Variants in CAMK1D observed in about 807,000 individuals in gnomAD.
The protein encoded by CAMK1D is calcium/calmodulin dependent protein kinase ID.
Under a neutral mutation model 47.7 loss-of-function variants are expected in CAMK1D, and 9 were observed. That is an observed-to-expected ratio of 0.19 (90% CI 0.11 to 0.33). The LOEUF (loss-of-function observed/expected upper bound fraction) is 0.33, where lower values mean the gene tolerates loss of function less well. Among genes scored for constraint, CAMK1D ranks in the 10% least tolerant of loss-of-function variants. The pLI, the probability that CAMK1D is intolerant of heterozygous loss-of-function variation, is 1.00. For synonymous variants in CAMK1D, 184 were observed against 184.9 expected, an observed-to-expected ratio of 0.99 and a Z score of 0.04; for missense variants, 291 against 488.7, an observed-to-expected ratio of 0.60 and a Z score of 3.81.
chr10:12,351,753 G>C (rs950092482), intron 1 of CAMK1D, among the ~76,000 whole-genome samples: 14 of 152,284 alleles, frequency 9.2e-5, no homozygotes, highest in African/African-American at 3.1e-4. Flanking sequence ...TTGCCCTCTG[G>C]TGCCAGAGCG....
chr10:12,604,103 A>ACC (rs63439260), intron 2 of CAMK1D, among the ~76,000 whole-genome samples: 5 of 151,642 alleles, frequency 3.3e-5, no homozygotes, highest in South Asian at 2.1e-4. Context: ...CGCTCCTGTC[A>ACC]CCCCCCATCA....
rs1230805059 is a variant in CAMK1D at position 12,801,452 on chromosome 10, CATCT to C, written c.641+10227_641+10230del. On this transcript the variant is annotated intron_variant, in intron 6 of 10. Transcript: ENST00000619168. ...CCTTCCATTCATCCATCCATCCATT[CATCT>C]ATCTATCCGTCATCTATCTATCCAT... is the stretch of plus-strand genomic sequence containing the variant. Among the ~76,000 whole-genome samples the C allele has an allele frequency of 3.3e-5, 5 of 150,888 alleles. No individual in the cohort carries two copies. The Admixed American group carries it at 3.3e-4, about 10-fold the overall frequency.
At chr10:12,754,364 A>T (rs1158334160) in intron 3 of CAMK1D, among the ~76,000 whole-genome samples, 2 of 152,150 alleles carry the variant, frequency 1.3e-5, no homozygotes, top group African/African-American at 4.8e-5. Flanking sequence ...CCCACACTGG[A>T]CTACACACCA....
intron 2 of CAMK1D, among the ~76,000 whole-genome samples, chr10:12,621,992 A>C (rs1047732196): frequency 1.6e-4 from 24 of 152,002 alleles, no homozygotes; most frequent in Non-Finnish European, 2.8e-4. Context: ...CTGCTCGGGG[A>C]GCTCCTTCCC....
intron 2 of CAMK1D, among the ~76,000 whole-genome samples, chr10:12,573,095 A>G (rs1156303832): frequency 2.0e-5 from 3 of 152,248 alleles, no homozygotes; most frequent in African/African-American, 7.2e-5. Flanking sequence ...AAGGCAAGAC[A>G]TGGTGCTGTT....
intron 3 of CAMK1D, among the ~76,000 whole-genome samples, chr10:12,670,124 T>A (rs1444749136): frequency 8.1e-6 from 1 of 123,864 alleles, no homozygotes; most frequent in Admixed American, 1.0e-4. Context: ...TGTACCGTTT[T>A]GCTTTTTTTT....
chr10:12,393,166 G>A (rs554047369), intron 1 of CAMK1D, among the ~76,000 whole-genome samples: 1 of 151,938 alleles, frequency 6.6e-6, no homozygotes, highest in Admixed American at 6.6e-5. Context: ...CAAGTAGCTG[G>A]GACTACAGGC....
At chr10:12,827,282 T>C (rs1329873318) in intron 10 of CAMK1D, among the ~76,000 whole-genome samples, 1 of 114,194 alleles carries the variant, frequency 8.8e-6, no homozygotes, top group Admixed American at 8.8e-5. Context: ...CTTTCTTTTC[T>C]TTTTCTTTCT....
chr10:12,615,324 A>G (rs1387398998), intron 2 of CAMK1D, among the ~76,000 whole-genome samples: 1 of 152,234 alleles, frequency 6.6e-6, no homozygotes, highest in Admixed American at 6.5e-5. Context: ...ATTTCCATCT[A>G]AATAAGAAAA....
chr10:12,707,949 A>G (rs750209842), intron 3 of CAMK1D, among the ~76,000 whole-genome samples: 19 of 152,290 alleles, frequency 1.2e-4, no homozygotes, highest in Admixed American at 5.9e-4. Flanking sequence ...TACTCAGTAA[A>G]TGGGATCCCC....
At chr10:12,730,441 C>G (rs1834837693) in intron 3 of CAMK1D, among the ~76,000 whole-genome samples, 1 of 152,072 alleles carries the variant, frequency 6.6e-6, no homozygotes, top group Non-Finnish European at 1.5e-5. Flanking sequence ...GAGTCATATC[C>G]AAGTGAAGAG....
intron 2 of CAMK1D, among the ~76,000 whole-genome samples, chr10:12,574,363 G>A (rs1758735826): frequency 6.6e-6 from 1 of 150,544 alleles, no homozygotes; most frequent in Non-Finnish European, 1.5e-5. Flanking sequence ...GTGCAGTGGT[G>A]CAATGTCAGC....
chr10:12,649,990 C>A (rs769590660), intron 2 of CAMK1D, among the ~76,000 whole-genome samples: 1 of 152,224 alleles, frequency 6.6e-6, no homozygotes, highest in Non-Finnish European at 1.5e-5. Context: ...AGCATCTCTG[C>A]AAGAGAAAAC....
chr10:12,626,001 G>C (rs1024322714), intron 2 of CAMK1D, among the ~76,000 whole-genome samples: 2 of 152,256 alleles, frequency 1.3e-5, no homozygotes, highest in African/African-American at 4.8e-5. Flanking sequence ...ATCATAACAA[G>C]TCAGATGACA....
intron 2 of CAMK1D, among the ~76,000 whole-genome samples, chr10:12,558,554 CAAAA>C: frequency 6.6e-6 from 1 of 150,468 alleles, no homozygotes; most frequent in South Asian, 2.1e-4. Flanking sequence ...AACTCCATCT[CAAAA>C]AAAAAAAATA....
rs183488190 is a variant in CAMK1D at position 12,489,084 on chromosome 10, C to T, written c.93-64141C>T. ...CCGAGTAGCTGGGACTACTGGCGCC[C>T]GCCACCGTGCCTGGCTAATTTTTTT... On this transcript the variant is annotated intron_variant, in intron 1 of 10. Coordinates refer to ENST00000619168, the MANE Select transcript of CAMK1D (RefSeq NM_153498.4). Among the ~76,000 whole-genome samples, 702 of 152,202 alleles carry T rather than the reference C, an allele frequency of 4.6e-3. 9 individuals carry two copies. The highest frequency in any genetic ancestry group is 0.014 in the African/African-American group (589 of 41,514).
chr10:12,423,784 C>T (rs999005016), intron 1 of CAMK1D, among the ~76,000 whole-genome samples: 4 of 152,220 alleles, frequency 2.6e-5, no homozygotes, highest in African/African-American at 7.2e-5. Flanking sequence ...ATGCGTTAGC[C>T]TGACTAAGTT....
intron 2 of CAMK1D, among the ~76,000 whole-genome samples, chr10:12,565,239 T>C (rs1266967111): frequency 3.3e-5 from 5 of 151,942 alleles, no homozygotes; most frequent in Non-Finnish European, 7.4e-5. Flanking sequence ...TACATACATC[T>C]CCGTATTTTT....
chr10:12,815,017 T>G (rs573523213), intron 7 of CAMK1D, among the ~76,000 whole-genome samples: 6 of 152,338 alleles, frequency 3.9e-5, no homozygotes, highest in African/African-American at 1.4e-4. Flanking sequence ...TCTGTATGTG[T>G]GCTAACTCAC....
Sources: allele counts gnomAD v4.1 joint callset (sites outside exome capture counted in the v4.1 genomes callset), GRCh38; gene constraint gnomAD v4.1.1; transcripts MANE v1.5; gene names NCBI Gene and HGNC (gene_info 2026-07-23, HGNC 2026-07-21).